DNAH6: variants seen among roughly 807,000 people sequenced by gnomAD.
The protein encoded by DNAH6 is dynein axonemal heavy chain 6.
In DNAH6, 340 loss-of-function variants were observed where a neutral mutation model predicts 491.4. The ratio of observed to expected loss-of-function variants is 0.69; its 90% CI spans 0.63 to 0.76. The LOEUF is 0.76. DNAH6 is among the 30% of genes least tolerant of loss of function. The pLI is 0.00. For missense variants in DNAH6, 4,443 were observed against 4,972.2 expected (o/e 0.89, Z 3.20); for synonymous variants, 1,603 against 1,686.1 (o/e 0.95, Z 1.21).
chr2:84,518,495 T>C (rs1420044134), intron 2 of DNAH6, among the ~76,000 whole-genome samples: 2 of 152,224 alleles, frequency 1.3e-5, no homozygotes, highest in Non-Finnish European at 2.9e-5. Context: ...TTTATGCCCT[T>C]GGATAATTAT....
chr2:84,809,059 C>T (rs1679713279), intron 72 of DNAH6, among the ~76,000 whole-genome samples: 1 of 152,162 alleles, frequency 6.6e-6, no homozygotes, highest in Admixed American at 6.5e-5. Context: ...TTTAAATAAA[C>T]TCCCCAGATA....
chr2:84,764,828 G>A (rs1168720283), intron 64 of DNAH6, among the ~76,000 whole-genome samples: 4 of 152,004 alleles, frequency 2.6e-5, no homozygotes, highest in Admixed American at 1.3e-4. Context: ...ATCCACTGTT[G>A]ATGAGTACCT....
chr2:84,679,173 T>A (rs776252154), intron 41 of DNAH6, among the ~76,000 whole-genome samples: 4 of 152,172 alleles, frequency 2.6e-5, no homozygotes, highest in Non-Finnish European at 5.9e-5. Flanking sequence ...AAATAGTACA[T>A]GTATATTATA....
chr2:84,703,618 A>G, intron 50 of DNAH6, 56 bp downstream of exon 50: 1 of 1,360,588 alleles, frequency 7.3e-7, no homozygotes, highest in Non-Finnish European at 9.7e-7. Flanking sequence ...CTGATCACTT[A>G]TATATAATGA....
intron 62 of DNAH6, among the ~76,000 whole-genome samples, chr2:84,736,038 TAAG>T (rs1281841628): frequency 6.6e-6 from 1 of 152,142 alleles, no homozygotes; most frequent in Non-Finnish European, 1.5e-5. Flanking sequence ...TTATATATGG[TAAG>T]AAGTAGGGGG....
At chr2:84,613,001 C>A (rs1391883687) in intron 22 of DNAH6, among the ~76,000 whole-genome samples, 2 of 151,024 alleles carry the variant, frequency 1.3e-5, no homozygotes, top group Admixed American at 1.3e-4. Context: ...AATATAACTT[C>A]TGAAATGAAA....
intron 15 of DNAH6, among the ~76,000 whole-genome samples, chr2:84,587,717 A>G (rs1683705894): frequency 6.6e-6 from 1 of 152,192 alleles, no homozygotes; most frequent in Non-Finnish European, 1.5e-5. Context: ...CTGAAAATCT[A>G]AACTTCCTAT....
At chr2:84,533,957 G>A (rs1234480198) in intron 4 of DNAH6, among the ~76,000 whole-genome samples, 5 of 152,038 alleles carry the variant, frequency 3.3e-5, no homozygotes, top group South Asian at 2.1e-4. Context: ...AATTACAATG[G>A]GGAAAAGGAG....
the DNAH6 span, among the ~76,000 whole-genome samples, chr2:84,489,528 A>G: frequency 1.2e-4 from 18 of 152,162 alleles, no homozygotes; most frequent in Non-Finnish European, 2.5e-4. Flanking sequence ...CCCAAGCGAT[A>G]TCTTCACATA....
intron 49 of DNAH6, among the ~76,000 whole-genome samples, chr2:84,702,838 A>G (rs1696059117): frequency 6.6e-6 from 1 of 152,118 alleles, no homozygotes; most frequent in Non-Finnish European, 1.5e-5. Flanking sequence ...CCCAGCCATG[A>G]GCCAAGCTTT....
At chr2:84,564,238 TATAA>T (rs1680948967) in intron 11 of DNAH6, among the ~76,000 whole-genome samples, 2 of 151,948 alleles carry the variant, frequency 1.3e-5, no homozygotes. Context: ...TGAAAAAAGA[TATAA>T]ATAGTTTGAT....
chr2:84,662,790 C>T (rs1164168549), intron 37 of DNAH6, among the ~76,000 whole-genome samples: 2 of 152,190 alleles, frequency 1.3e-5, no homozygotes, highest in Non-Finnish European at 2.9e-5. Flanking sequence ...GATCTGACAG[C>T]AGACAGACTG....
chr2:84,607,198 T>C, intron 21 of DNAH6, 103 bp downstream of exon 21: 1 of 1,176,608 alleles, frequency 8.5e-7, no homozygotes, highest in Non-Finnish European at 1.2e-6. Context: ...GGTTTTAAAA[T>C]GTAAGTTTTA....
At chr2:84,715,937 G>A (rs1250855751) in intron 58 of DNAH6, among the ~76,000 whole-genome samples, 1 of 152,096 alleles carries the variant, frequency 6.6e-6, no homozygotes, top group Non-Finnish European at 1.5e-5. Flanking sequence ...TCCTGAGCAA[G>A]TGAACGAAGT....
chr2:84,742,810 C>T (rs1373050504), intron 62 of DNAH6, among the ~76,000 whole-genome samples: 2 of 151,884 alleles, frequency 1.3e-5, no homozygotes, highest in African/African-American at 4.8e-5. Context: ...GGTAATTACT[C>T]TTATACTTCT....
At chr2:84,787,688 G>A (rs953979613) in intron 68 of DNAH6, among the ~76,000 whole-genome samples, 1 of 152,080 alleles carries the variant, frequency 6.6e-6, no homozygotes, top group Non-Finnish European at 1.5e-5. Context: ...AAAGTGCTGG[G>A]GCCAAGATTT....
At chr2:84,732,551 A>C (rs1699209710) in intron 61 of DNAH6, among the ~76,000 whole-genome samples, 1 of 152,232 alleles carries the variant, frequency 6.6e-6, no homozygotes, top group Non-Finnish European at 1.5e-5. Flanking sequence ...ATATAATTTG[A>C]TTTCCATGAA....
chr2:84,494,410 C>G, the DNAH6 span, among the ~76,000 whole-genome samples: 1 of 152,264 alleles, frequency 6.6e-6, no homozygotes, highest in African/African-American at 2.4e-5. Context: ...AATCATTTTC[C>G]TACTGTACTC....
At chr2:84,679,322 G>T (rs79346858) in intron 41 of DNAH6, among the ~76,000 whole-genome samples, 1 of 152,122 alleles carries the variant, frequency 6.6e-6, no homozygotes, top group South Asian at 2.1e-4. Flanking sequence ...GATTTGCACC[G>T]TTGGAATATG....
Sources: allele counts gnomAD v4.1 joint callset (sites outside exome capture counted in the v4.1 genomes callset), GRCh38; gene constraint gnomAD v4.1.1; transcripts MANE v1.5; gene names NCBI Gene and HGNC (gene_info 2026-07-23, HGNC 2026-07-21).